CAMK1D: variants seen among roughly 807,000 people sequenced by gnomAD.
CAMK1D encodes calcium/calmodulin-dependent protein kinase type 1D.
Under a neutral mutation model 47.7 loss-of-function variants are expected in CAMK1D, and 9 were observed. The ratio of observed to expected loss-of-function variants is 0.19; its 90% CI spans 0.11 to 0.33. CAMK1D has a LOEUF of 0.33. Among genes scored for constraint, CAMK1D ranks in the 10% least tolerant of loss-of-function variants. The pLI is 1.00. For synonymous variants in CAMK1D, 184 were observed against 184.9 expected (o/e 0.99, Z 0.04); for missense variants, 291 against 488.7 (o/e 0.60, Z 3.81).
chr10:12,509,935 G>T (rs2132161147), intron 1 of CAMK1D, among the ~76,000 whole-genome samples: 1 of 152,322 alleles, frequency 6.6e-6, no homozygotes, highest in Admixed American at 6.5e-5. Context: ...AGCCTCCTAG[G>T]CTGGGCGCCT....
At chr10:12,523,166 G>A (rs1202052560) in intron 1 of CAMK1D, among the ~76,000 whole-genome samples, 3 of 151,076 alleles carry the variant, frequency 2.0e-5, no homozygotes, top group African/African-American at 4.9e-5. Context: ...CTGGGCAGAG[G>A]CGCTCCTCAC....
chr10:12,567,222 T>G (rs1428189226), intron 2 of CAMK1D, among the ~76,000 whole-genome samples: 1 of 152,218 alleles, frequency 6.6e-6, no homozygotes, highest in Non-Finnish European at 1.5e-5. Flanking sequence ...CAGAAAGACC[T>G]TTTCCATCCT....
chr10:12,350,364 T>G (rs974790776), intron 1 of CAMK1D, among the ~76,000 whole-genome samples: 2 of 152,242 alleles, frequency 1.3e-5, no homozygotes, highest in Non-Finnish European at 2.9e-5. Flanking sequence ...CATCATGTAT[T>G]TCTATGGAAT....
chr10:12,632,167 C>T (rs1839399878), intron 2 of CAMK1D, among the ~76,000 whole-genome samples: 1 of 152,220 alleles, frequency 6.6e-6, no homozygotes. Flanking sequence ...CTAAGATTCG[C>T]ATCCCTTCTT....
chr10:12,707,900 A>G (rs1833788317), intron 3 of CAMK1D, among the ~76,000 whole-genome samples: 1 of 152,150 alleles, frequency 6.6e-6, no homozygotes, highest in African/African-American at 2.4e-5. Context: ...ATTTATAAGG[A>G]TTTAAATATG....
chr10:12,635,556 A>G (rs547929391), intron 2 of CAMK1D, among the ~76,000 whole-genome samples: 72 of 152,170 alleles, frequency 4.7e-4, no homozygotes, highest in African/African-American at 1.7e-3. Context: ...TAGAAGAGAG[A>G]AGGGACCCAC....
intron 1 of CAMK1D, among the ~76,000 whole-genome samples, chr10:12,545,521 G>C (rs1836337167): frequency 6.7e-6 from 1 of 148,494 alleles, no homozygotes; most frequent in African/African-American, 2.5e-5. Flanking sequence ...CATGGAATTA[G>C]CCGGGCGCAG....
chr10:12,823,989 T>A (rs1337029105), intron 8 of CAMK1D, among the ~76,000 whole-genome samples: 1 of 151,690 alleles, frequency 6.6e-6, no homozygotes, highest in Non-Finnish European at 1.5e-5. Flanking sequence ...ACCTCGGGTC[T>A]GAGGAAGCTG....
At chr10:12,572,518 A>T (rs1268824278) in intron 2 of CAMK1D, among the ~76,000 whole-genome samples, 1 of 152,256 alleles carries the variant, frequency 6.6e-6, no homozygotes, top group Non-Finnish European at 1.5e-5. Context: ...GGTGTGTGGG[A>T]TGGGGATGGA....
intron 3 of CAMK1D, among the ~76,000 whole-genome samples, chr10:12,758,737 G>A (rs759763744): frequency 1.3e-5 from 2 of 152,174 alleles, no homozygotes; most frequent in Non-Finnish European, 2.9e-5. Flanking sequence ...TTTGAGGGAC[G>A]CAGGTTGGCC....
In CAMK1D at chr10:12,430,773, T is replaced by A. The variant is rs10795954; in HGVS notation, c.92+80863T>A. On this transcript the variant is annotated intron_variant, in intron 1 of 10. Transcript: ENST00000619168. ...TGATGATGATGATGATTTTTTAAGA[T>A]GGGGTCTTGCTGTGTGGCCCCGGCT... Among the ~76,000 whole-genome samples the A allele has an allele frequency of 5.9e-5, 9 of 152,024 alleles. No homozygotes were observed. The South Asian group carries it at 1.9e-3, about 32-fold the overall frequency.
chr10:12,445,243 G>C (rs1473742298), intron 1 of CAMK1D, among the ~76,000 whole-genome samples: 1 of 152,206 alleles, frequency 6.6e-6, no homozygotes, highest in Non-Finnish European at 1.5e-5. Context: ...CCCTGCACTA[G>C]TCTTTCAGGT....
At chr10:12,387,779 C>T (rs1426383318) in intron 1 of CAMK1D, among the ~76,000 whole-genome samples, 3 of 151,970 alleles carry the variant, frequency 2.0e-5, no homozygotes, top group Admixed American at 6.6e-5. Flanking sequence ...CATGCGCTAC[C>T]GTACCTGGCC....
intron 1 of CAMK1D, among the ~76,000 whole-genome samples, chr10:12,492,408 A>C (rs992902905): frequency 6.6e-6 from 1 of 151,382 alleles, no homozygotes; most frequent in African/African-American, 2.4e-5. Context: ...ATCCACTCGC[A>C]TGCTTTTGGG....
At chr10:12,372,007 C>T (rs1213048647) in intron 1 of CAMK1D, among the ~76,000 whole-genome samples, 2 of 152,112 alleles carry the variant, frequency 1.3e-5, no homozygotes, top group Non-Finnish European at 2.9e-5. Flanking sequence ...GCACCTTTTC[C>T]GTATCTTGAT....
chr10:12,555,347 C>T (rs530428981), intron 2 of CAMK1D, among the ~76,000 whole-genome samples: 61 of 152,362 alleles, frequency 4.0e-4, no homozygotes, highest in African/African-American at 1.4e-3. Flanking sequence ...GAAGAAGCTA[C>T]AGCATGCGGG....
intron 4 of CAMK1D, among the ~76,000 whole-genome samples, chr10:12,767,862 T>TTGAG (rs1836845782): frequency 1.3e-5 from 2 of 151,926 alleles, no homozygotes; most frequent in Non-Finnish European, 2.9e-5. Context: ...AGGGAGGACT[T>TTGAG]TGAGTTAGTT....
At chr10:12,482,621 T>C (rs1834097427) in intron 1 of CAMK1D, among the ~76,000 whole-genome samples, 1 of 151,976 alleles carries the variant, frequency 6.6e-6, no homozygotes, top group Admixed American at 6.6e-5. Flanking sequence ...TGCTAATGGG[T>C]TTTTTCCCCC....
intron 3 of CAMK1D, among the ~76,000 whole-genome samples, chr10:12,746,632 C>G (rs1434093125): frequency 6.6e-6 from 1 of 152,142 alleles, no homozygotes; most frequent in Non-Finnish European, 1.5e-5. Context: ...TTTTCTCTTT[C>G]CACATTATTT....
Sources: gnomAD v4.1 joint callset for allele counts (sites outside exome capture counted in the v4.1 genomes callset) on GRCh38, gnomAD v4.1.1 for gene constraint, MANE v1.5 for transcripts, NCBI Gene and HGNC (gene_info 2026-07-23, HGNC 2026-07-21) for gene names.